The following AIG1 variants were observed in gnomAD, a reference collection of about 807,000 sequenced individuals.
AIG1 encodes the protein androgen-induced gene 1 protein.
Under a neutral mutation model 31.4 loss-of-function variants are expected in AIG1, and 23 were observed. The observed-to-expected ratio is 0.73, with a 90% CI of 0.53 to 1.04. The LOEUF is 1.04. Ranked by LOEUF, AIG1 falls within the 50% of genes least tolerant of loss-of-function variation. The pLI is 0.00. For synonymous variants in AIG1, 100 were observed against 110.5 expected (o/e 0.90, Z 0.60); for missense variants, 274 against 295.0 (o/e 0.93, Z 0.52).
In AIG1 at chr6:143,078,733, T is replaced by A. The variant is rs547365731; in HGVS notation, c.141+17667T>A. ...GGAAACCACCCCCATGATTCAATTA[T>A]CTCCCACTGGGTCCCTCCCACAACA... On this transcript the variant is annotated intron_variant, in intron 1 of 5. Coordinates refer to ENST00000357847, the MANE Select transcript of AIG1 (RefSeq NM_016108.4). Among the ~76,000 whole-genome samples, 171 of 152,222 alleles carry A rather than the reference T, an allele frequency of 1.1e-3. 1 individual carries two copies. Among genetic ancestry groups the A allele is most frequent in the African/African-American group, 3.9e-3 (160 of 41,530 alleles).
chr6:143,305,076 C>T (rs1799154971), intron 4 of AIG1, among the ~76,000 whole-genome samples: 1 of 152,068 alleles, frequency 6.6e-6, no homozygotes, highest in South Asian at 2.1e-4. Context: ...GGTGATATCC[C>T]CTTTATCATT....
At chr6:143,252,003 C>T (rs1005693880) in intron 3 of AIG1, among the ~76,000 whole-genome samples, 3 of 152,192 alleles carry the variant, frequency 2.0e-5, no homozygotes, top group Non-Finnish European at 2.9e-5. Context: ...GTCCCTTTCG[C>T]GTATCACTTA....
chr6:143,171,268 C>T (rs1392272499), intron 3 of AIG1, among the ~76,000 whole-genome samples: 1 of 150,782 alleles, frequency 6.6e-6, no homozygotes, highest in East Asian at 1.9e-4. Flanking sequence ...TTAGCTCCCA[C>T]TCATGATTGA....
chr6:143,113,701 G>A (rs1206805361), intron 1 of AIG1, among the ~76,000 whole-genome samples: 1 of 152,074 alleles, frequency 6.6e-6, no homozygotes, highest in Non-Finnish European at 1.5e-5. Context: ...CGACTTTTAG[G>A]TTTGGTGAGT....
rs1032200106 is a variant in AIG1 at position 143,292,980 on chromosome 6, A to G, written c.515+8755A>G. Reference sequence around the variant, plus strand: ...CTTTGAAGTTAGATGCTCCTTGTTTAGTTCCCGTCTTCCTCGGGTCTTTGA... The same window carrying G: ...CTTTGAAGTTAGATGCTCCTTGTTTGGTTCCCGTCTTCCTCGGGTCTTTGA... On this transcript the variant is annotated intron_variant, in intron 4 of 5. Coordinates refer to ENST00000357847, the MANE Select transcript of AIG1 (RefSeq NM_016108.4). This position sits in a 1 kb window ranked among gnomAD's most constrained non-coding sequence, Gnocchi z 4.9. 1.3e-5 allele frequency among the ~76,000 whole-genome samples: 2 copies of G among 152,188 alleles called. No homozygotes were observed. The highest frequency in any genetic ancestry group is 2.9e-5 in the Non-Finnish European group (2 of 68,034).
intron 1 of AIG1, among the ~76,000 whole-genome samples, chr6:143,093,305 C>A (rs1562367726): frequency 6.6e-6 from 1 of 152,218 alleles, no homozygotes; most frequent in East Asian, 1.9e-4. Context: ...ATGAAGACAG[C>A]TTTTTTCCTT....
chr6:143,286,839 C>G (rs1797710793), intron 4 of AIG1, among the ~76,000 whole-genome samples: 1 of 152,008 alleles, frequency 6.6e-6, no homozygotes, highest in African/African-American at 2.4e-5. Context: ...CAGTGGCCCT[C>G]CGCATCTGAA....
intron 1 of AIG1, among the ~76,000 whole-genome samples, chr6:143,114,010 G>C (rs564602581): frequency 1.3e-5 from 2 of 152,100 alleles, no homozygotes. Context: ...TTCTGACCTC[G>C]TGATCCGCCT....
At chr6:143,286,978 C>G (rs1459351775) in intron 4 of AIG1, among the ~76,000 whole-genome samples, 2 of 152,040 alleles carry the variant, frequency 1.3e-5, no homozygotes, top group South Asian at 4.2e-4. Context: ...TTGCAGTCCT[C>G]CCCAAGCTTA....
intron 4 of AIG1, among the ~76,000 whole-genome samples, chr6:143,287,419 G>A (rs1460618870): frequency 5.3e-5 from 8 of 152,154 alleles, no homozygotes; most frequent in Admixed American, 5.2e-4. Flanking sequence ...TGCCCAGGGT[G>A]AGCCACTGGA....
chr6:143,265,416 C>G (rs1796087651), intron 3 of AIG1, among the ~76,000 whole-genome samples: 2 of 152,146 alleles, frequency 1.3e-5, no homozygotes, highest in South Asian at 2.1e-4. Flanking sequence ...TATGCATTGC[C>G]TTGATCCCTG....
chr6:143,294,862 C>T (rs921266797), intron 4 of AIG1, among the ~76,000 whole-genome samples: 3 of 152,128 alleles, frequency 2.0e-5, no homozygotes, highest in African/African-American at 4.8e-5. Flanking sequence ...CTTTCAACTC[C>T]CCCCAAACCT....
In AIG1 at chr6:143,136,908, A is replaced by G; in HGVS notation, c.215A>G (p.Asn72Ser). 6.5e-7 allele frequency: 1 copy of G among 1,537,006 alleles called. No homozygotes were observed. Reference protein sequence around the residue: ...LSSLLTRGSGNQEQERQLKKL... With the variant: ...LSSLLTRGSGSQEQERQLKKL... ...AGTCTTCTGACTCGAGGAAGTGGGA[A>G]CCAGGAGCAAGAGAGGCAGCTCAAG... is the stretch of plus-strand genomic sequence containing the variant. The change falls in exon 2 of 6, where the codon AAC (asparagine) becomes AGC (serine). Residue 72 changes from asparagine to serine, a missense_variant. Transcript: ENST00000357847.
In AIG1 at chr6:143,338,097, G is replaced by C; in HGVS notation, c.680-1542G>C. 1 of 398,628 alleles carries C rather than the reference G, an allele frequency of 2.5e-6. No homozygotes were observed. The highest frequency in any genetic ancestry group is 4.4e-6 in the Non-Finnish European group (1 of 226,136). The allele number at this position is 398,628 out of a possible 1,614,324, so 24.7% of individuals were successfully genotyped here. The stretch of plus-strand genomic sequence containing the variant: ...CTGCCAAGTCAACCCATCTGCAGGA[G>C]AACGCTTTGGAAAAAACAGACTTTA... On this transcript the variant is annotated intron_variant, in intron 5 of 5. Coordinates refer to ENST00000357847, the MANE Select transcript of AIG1 (RefSeq NM_016108.4). The surrounding 1 kb of genome is among the most constrained non-coding windows in gnomAD (Gnocchi z 4.3).
intron 3 of AIG1, chr6:143,186,842 A>C (rs1789305533): frequency 6.5e-6 from 1 of 154,780 alleles, no homozygotes; most frequent in South Asian, 2.0e-4. Context: ...TTCTCTGTTC[A>C]AATGATCTTC....
chr6:143,199,831 C>T (rs1032187881), intron 3 of AIG1, among the ~76,000 whole-genome samples: 2 of 152,046 alleles, frequency 1.3e-5, no homozygotes, highest in African/African-American at 4.8e-5. Flanking sequence ...GAGAAGTATA[C>T]AAGAAGGCTT....
intron 3 of AIG1, among the ~76,000 whole-genome samples, chr6:143,240,768 A>G (rs1335685225): frequency 6.6e-6 from 1 of 152,186 alleles, no homozygotes; most frequent in Non-Finnish European, 1.5e-5. Flanking sequence ...CAGGGCCAAC[A>G]TTTTTTATTG....
intron 1 of AIG1, among the ~76,000 whole-genome samples, chr6:143,124,840 C>G (rs898381640): frequency 3.9e-5 from 6 of 152,072 alleles, no homozygotes; most frequent in African/African-American, 1.4e-4. Context: ...ATCACAAGAA[C>G]AGCATGTAGA....
intron 2 of AIG1, among the ~76,000 whole-genome samples, chr6:143,137,552 A>T (rs1294992219): frequency 1.3e-5 from 2 of 152,204 alleles, no homozygotes; most frequent in Non-Finnish European, 2.9e-5. Context: ...GGAGATCAGT[A>T]TTAGCTCATA....
Sources: allele counts gnomAD v4.1 joint callset (sites outside exome capture counted in the v4.1 genomes callset), GRCh38; gene constraint gnomAD v4.1.1; non-coding constraint Gnocchi (gnomAD v3.1); transcripts MANE v1.5; gene names NCBI Gene and HGNC (gene_info 2026-07-23, HGNC 2026-07-21).